Variants in FGF13 observed in about 807,000 individuals in gnomAD.
The protein encoded by FGF13 is fibroblast growth factor homologous factor 2.
In FGF13, 2 loss-of-function variants were observed where a neutral mutation model predicts 19.5. That is an observed-to-expected ratio of 0.10 (90% confidence interval 0.04 to 0.32). FGF13 has a LOEUF of 0.32. Among genes scored for constraint, FGF13 ranks in the 10% least tolerant of loss-of-function variants. FGF13 has a pLI of 1.00. For synonymous variants in FGF13, 72 were observed against 76.9 expected, an observed-to-expected ratio of 0.94 and a Z score of 0.33; for missense variants, 113 against 192.7, an observed-to-expected ratio of 0.59 and a Z score of 2.45.
intron 3 of FGF13, among the ~76,000 whole-genome samples, chrX:138,816,239 A>C (rs756512454): frequency 7.2e-5 from 8 of 111,670 alleles, no homozygotes; most frequent in Non-Finnish European, 1.5e-4. Flanking sequence ...TTATGAAAAA[A>C]TATTCACCCT....
At chrX:138,814,286 C>T (rs2124045579) in intron 3 of FGF13, among the ~76,000 whole-genome samples, 1 of 110,014 alleles carries the variant, frequency 9.1e-6, no homozygotes, top group African/African-American at 3.3e-5. Context: ...AAATGATAAA[C>T]TATGAGCAGG....
intron 1 of FGF13, among the ~76,000 whole-genome samples, chrX:138,738,813 A>G (rs1283690596): frequency 1.8e-5 from 2 of 112,082 alleles, no homozygotes; most frequent in East Asian, 5.6e-4. Context: ...AGAAAAATAC[A>G]TTAAAAGCCA....
At chrX:138,755,020 C>T (rs2090422922) in intron 3 of FGF13, among the ~76,000 whole-genome samples, 1 of 111,746 alleles carries the variant, frequency 8.9e-6, no homozygotes, top group Admixed American at 9.5e-5. Context: ...TAAATCTTAG[C>T]CAGGAGCATG....
intron 1 of FGF13, among the ~76,000 whole-genome samples, chrX:139,033,050 A>AAAAAAAAAAAAAAAAAAC (rs1569444631): frequency 1.0e-5 from 1 of 98,978 alleles, no homozygotes; most frequent in African/African-American, 3.8e-5. Context: ...AAAAAAAAAA[A>AAAAAAAAAAAAAAAAAAC]AAAAACTACA....
chrX:139,117,089 T>A (rs773688089), intron 1 of FGF13, among the ~76,000 whole-genome samples: 1 of 110,118 alleles, frequency 9.1e-6, no homozygotes, highest in East Asian at 2.9e-4. Context: ...CTTTTAGGAG[T>A]AATCACTCAA....
chrX:138,708,389 C>A (rs1315545610), intron 2 of FGF13, among the ~76,000 whole-genome samples: 5 of 111,674 alleles, frequency 4.5e-5, no homozygotes, highest in Non-Finnish European at 9.4e-5. Context: ...GTGTGTGGAG[C>A]AGGGAGCAGA....
intron 3 of FGF13, among the ~76,000 whole-genome samples, chrX:138,744,903 T>C (rs2090344436): frequency 8.9e-6 from 1 of 111,924 alleles, no homozygotes; most frequent in Non-Finnish European, 1.9e-5. Context: ...TTACACAAAG[T>C]ACAACTTTCC....
chrX:139,026,787 A>G (rs992566852), intron 1 of FGF13, among the ~76,000 whole-genome samples: 1 of 111,753 alleles, frequency 8.9e-6, no homozygotes, highest in African/African-American at 3.3e-5. Context: ...TGCTGCTCCA[A>G]CCAGTGTTCA....
At chrX:139,117,935 C>T (rs1358148202) in intron 1 of FGF13, among the ~76,000 whole-genome samples, 3 of 111,389 alleles carry the variant, frequency 2.7e-5, no homozygotes, top group African/African-American at 6.6e-5. Context: ...TGGGGCTAGG[C>T]GTAGGGGATA....
intron 1 of FGF13, among the ~76,000 whole-genome samples, chrX:138,878,406 G>GT (rs1399911697): frequency 2.9e-5 from 3 of 103,386 alleles, no homozygotes; most frequent in African/African-American, 1.1e-4. Flanking sequence ...GCGGTGTTTG[G>GT]TTTTTTGTCC....
chrX:138,712,948 G>A (rs17538781), upstream of FGF13, among the ~76,000 whole-genome samples: 757 of 112,204 alleles, frequency 6.7e-3, 5 homozygotes, highest in Middle Eastern at 0.014. Flanking sequence ...CTGAATCACC[G>A]GACCCTTCTG....
intron 3 of FGF13, among the ~76,000 whole-genome samples, chrX:138,759,205 G>A (rs982066158): frequency 8.9e-6 from 1 of 112,178 alleles, no homozygotes; most frequent in Non-Finnish European, 1.9e-5. Flanking sequence ...TCACGTATCT[G>A]ACAAAACCAC....
chrX:138,726,153 C>T (rs1036429655), intron 1 of FGF13, among the ~76,000 whole-genome samples: 1 of 110,438 alleles, frequency 9.1e-6, no homozygotes, highest in Non-Finnish European at 1.9e-5. Context: ...TTAGTTAGTC[C>T]ACCACTAATC....
At chrX:139,117,750 A>T (rs894439708) in intron 1 of FGF13, among the ~76,000 whole-genome samples, 1 of 111,590 alleles carries the variant, frequency 9.0e-6, no homozygotes, top group Non-Finnish European at 1.9e-5. Flanking sequence ...CCACATACAC[A>T]TTACATCTCA....
In FGF13 at chrX:138,727,235, C is replaced by T. The variant is rs752205739; in HGVS notation, c.28+12007G>A. ...ATCAAATATCTAGAAGGGTTAGTAA[C>T]TGCAACACCAACATTCTGTCTGGGA... On this transcript the variant is annotated intron_variant, in intron 1 of 4. Coordinates refer to the FGF13 transcript ENST00000305414. 3.7e-5 allele frequency among the ~76,000 whole-genome samples: 4 copies of T among 109,215 alleles called. No individual in the cohort carries two copies. In the South Asian group the frequency reaches 1.6e-3, roughly 44 times the overall value. The allele number at this position is 109,215 out of a possible 115,157, so 94.8% of individuals were successfully genotyped here. A position where few individuals can be genotyped will look rare whatever the true frequency, so the allele number is the denominator to read the frequency against.
chrX:138,908,238 A>AT (rs745634414), intron 1 of FGF13, among the ~76,000 whole-genome samples: 4,148 of 100,741 alleles, frequency 0.041, 238 homozygotes, highest in African/African-American at 0.14. Context: ...GCCCGGCTAA[A>AT]TTTTTTTTTT....
chrX:139,005,193 G>GACCCCC (rs2092095550), intron 1 of FGF13, among the ~76,000 whole-genome samples: 1 of 24,648 alleles, frequency 4.1e-5, no homozygotes, highest in Admixed American at 4.9e-4. Flanking sequence ...TTGTGTCACT[G>GACCCCC]CCCCCCCCCC....
At chrX:139,014,374 A>C (rs966678471) in intron 1 of FGF13, among the ~76,000 whole-genome samples, 2 of 111,747 alleles carry the variant, frequency 1.8e-5, no homozygotes, top group Non-Finnish European at 3.8e-5. Flanking sequence ...AGATTAACCA[A>C]GGAAAAAAGC....
intron 1 of FGF13, among the ~76,000 whole-genome samples, chrX:139,177,238 C>CTTTTTTTTTTTTTTTTTTT (rs35867493): frequency 6.0e-5 from 3 of 49,921 alleles, no homozygotes; most frequent in African/African-American, 1.1e-4. Flanking sequence ...GCAACCCCTG[C>CTTTTTTTTTTTTTTTTTTT]TTTTTTTTTT....
Sources: gnomAD v4.1 joint callset for allele counts (sites outside exome capture counted in the v4.1 genomes callset) on GRCh38, gnomAD v4.1.1 for gene constraint, MANE v1.5 for transcripts, NCBI Gene and HGNC (gene_info 2026-07-23, HGNC 2026-07-21) for gene names.